Variants in ITLN1 observed in about 807,000 individuals in gnomAD.
ITLN1 encodes the protein intelectin-1.
In ITLN1, 29 loss-of-function variants were observed where a neutral mutation model predicts 36.2. The observed-to-expected ratio is 0.80, with a 90% CI of 0.60 to 1.09. The LOEUF is 1.09. Among genes scored for constraint, ITLN1 ranks in the 50% least tolerant of loss-of-function variants. The pLI is 0.00. For missense variants in ITLN1, 358 were observed against 405.2 expected, an observed-to-expected ratio of 0.88 and a Z score of 1.00; for synonymous variants, 143 against 146.5, an observed-to-expected ratio of 0.98 and a Z score of 0.17.
chr1:160,882,436 G>C (rs1670697097), intron 3 of ITLN1: 1 of 443,470 alleles, frequency 2.3e-6, no homozygotes, highest in Non-Finnish European at 3.9e-6. Flanking sequence ...TTTTCATAAA[G>C]TTAAACATGG....
chr1:160,877,943 T>A (rs1571140350), intron 7 of ITLN1, among the ~76,000 whole-genome samples: 2 of 151,866 alleles, frequency 1.3e-5, no homozygotes, highest in African/African-American at 4.8e-5. Context: ...CTGAGGCGGG[T>A]AGATCACTTG....
rs142057123 is a variant in ITLN1, at chr1:160,880,628, G to A, written c.645C>T (p.Asp215=). 68 of 1,613,928 alleles carry A rather than the reference G, an allele frequency of 4.2e-5. No homozygotes were observed. Among genetic ancestry groups the A allele is most frequent in the South Asian group, 2.1e-4 (19 of 91,084 alleles). ...AGTAATAAGATGCTGTTTTCTGGGC[G>A]TCGCCAAAATCATAGACCACAGGGA... ...PVIPVVYDFG[D]AQKTASYYSP... Residue 215 remains aspartate (D), a synonymous_variant, in exon 6 of 8, where the codon GAC becomes GAT. Coordinates refer to ENST00000326245, the MANE Select transcript of ITLN1 (RefSeq NM_017625.3).
At chr1:160,877,176 G>A (rs1670602317) in intron 7 of ITLN1, among the ~76,000 whole-genome samples, 1 of 152,102 alleles carries the variant, frequency 6.6e-6, no homozygotes, top group South Asian at 2.1e-4. Flanking sequence ...GGTGGAGGTT[G>A]CGGTGAGCTT....
intron 6 of ITLN1, among the ~76,000 whole-genome samples, chr1:160,879,644 C>T (rs1426334378): frequency 2.6e-5 from 4 of 152,218 alleles, no homozygotes; most frequent in Admixed American, 2.0e-4. Flanking sequence ...TCAGAGAGGG[C>T]TCCTCATCTG....
intron 7 of ITLN1, among the ~76,000 whole-genome samples, chr1:160,878,729 T>C (rs954749386): frequency 1.3e-5 from 2 of 151,968 alleles, no homozygotes; most frequent in African/African-American, 2.4e-5. Context: ...TTACAACTGG[T>C]ATTCTATTTA....
rs754348725 is a variant in ITLN1 at position 160,882,090 on chromosome 1, C to T, written c.272G>A (p.Arg91His). Reference sequence around the variant, plus strand: ...GCGATCGCCCACCGTGCACTTCCCACGCATGTCATTCTCGTGCACGCTGGC... The same window carrying T: ...GCGATCGCCCACCGTGCACTTCCCATGCATGTCATTCTCGTGCACGCTGGC... ...LVASVHENDM[R>H]GKCTVGDRWS... Residue 91 changes from arginine to histidine, a missense_variant, in exon 4 of 8, where the codon CGT becomes CAT. Physicochemically the swap from Arg to His is conservative, Grantham distance 29 (BLOSUM62 0). Transcript: ENST00000326245. 35 of 1,614,102 alleles carry T rather than the reference C, an allele frequency of 2.2e-5. No individual in the cohort carries two copies. The highest frequency in any genetic ancestry group is 1.9e-4 in the African/African-American group (14 of 74,932).
chr1:160,882,276 G>A (rs573658807), intron 3 of ITLN1, 72 bp from the exon 4 acceptor site: 104 of 1,513,688 alleles, frequency 6.9e-5, no homozygotes, highest in Non-Finnish European at 8.3e-5. Flanking sequence ...TGACAAGAAA[G>A]GCCCTAGGAA....
Position 160,876,663 on chromosome 1 carries a change from C to G in ITLN1, c.*1G>C. ...GGTCTGGGTTCCCTCCCACAAAACT[C>G]TCAACGATAGAATAGAAGCACAGCT... On this transcript the variant is annotated 3_prime_UTR_variant, in exon 8 of 8. Coordinates refer to ENST00000326245, the MANE Select transcript of ITLN1 (RefSeq NM_017625.3). The G allele has an allele frequency of 6.2e-7, 1 of 1,614,096 alleles. No homozygotes were observed. Among genetic ancestry groups the G allele is most frequent in the Non-Finnish European group, 8.5e-7 (1 of 1,179,980 alleles).
At chr1:160,881,123 A>G in intron 5 of ITLN1, 31 bp downstream of exon 5, 1 of 1,572,524 alleles carries the variant, frequency 6.4e-7, no homozygotes, top group Non-Finnish European at 8.6e-7. Context: ...TACACCCATG[A>G]AAACCAGTCC....
Position 160,876,774 on chromosome 1 carries a change from G to A in ITLN1, c.832C>T (p.Gln278Ter), listed in dbSNP as rs1188096942. 2 of 1,614,070 alleles carry A rather than the reference G, an allele frequency of 1.2e-6. No homozygotes were observed. The highest frequency in any genetic ancestry group is 2.2e-5 in the East Asian group (1 of 44,896). Reference protein sequence around the residue: ...GGGYFPEASPQQCGDFSGFDW... With the variant: ...GGGYFPEASP ...AAACCAGAAAAATCTCCACACTGCT[G>A]GGGACTGGCCTCTGGAAAGTATCCT... The change falls in exon 8 of 8, where the codon CAG (glutamine) becomes TAG (stop). Residue 278 changes from glutamine (Q) to a stop codon, truncating the protein, a stop_gained. Transcript: ENST00000326245. LOFTEE classifies it low-confidence loss of function (END_TRUNC).
chr1:160,876,705 GGCT>G lies in ITLN1; in HGVS notation c.898_900del (p.Ser300del). ...AGCACAGCTGCCTCAGTTATCTCAC[GGCT>G]GCTGCTGTAACCAACATGAGTTCCA... On this transcript the variant is annotated inframe_deletion, in exon 8 of 8. Coordinates refer to ENST00000326245, the MANE Select transcript of ITLN1 (RefSeq NM_017625.3). The G allele has an allele frequency of 1.9e-6, 3 of 1,614,156 alleles. No individual in the cohort carries two copies. The highest frequency in any genetic ancestry group is 2.5e-6 in the Non-Finnish European group (3 of 1,180,028).
chr1:160,879,214 C>T (rs1382019150), intron 7 of ITLN1, 97 bp downstream of exon 7: 2 of 878,842 alleles, frequency 2.3e-6, no homozygotes, highest in Non-Finnish European at 3.8e-6. Context: ...TACACACACA[C>T]CCCAGTCATA....
intron 5 of ITLN1, 86 bp downstream of exon 5, chr1:160,881,068 C>T: frequency 7.2e-7 from 1 of 1,388,368 alleles, no homozygotes; most frequent in Non-Finnish European, 9.8e-7. Context: ...GAGACAGACC[C>T]ATTAAAAAAT....
chr1:160,881,949 G>T lies in ITLN1; in HGVS notation c.405+8C>A. On this transcript the variant is annotated splice_region_variant and intron_variant, in intron 4 of 7. Transcript: ENST00000326245. ...CCCTCACCCGAGTGGGTAAGAAGTG[G>T]CACCAACCTTGTAGTCATCGCTCGT... is the stretch of plus-strand genomic sequence containing the variant. The T allele has an allele frequency of 4.3e-6, 7 of 1,614,162 alleles. No individual in the cohort carries two copies. The highest frequency in any genetic ancestry group is 5.9e-6 in the Non-Finnish European group (7 of 1,180,026).
Position 160,876,639 on chromosome 1 carries a change from G to T in ITLN1, c.*25C>A, listed in dbSNP as rs766041785. ...TGGGATCTCATGGTTGGGAGGAGAG[G>T]TCTGGGTTCCCTCCCACAAAACTCT... On this transcript the variant is annotated 3_prime_UTR_variant, in exon 8 of 8. Coordinates refer to ENST00000326245, the MANE Select transcript of ITLN1 (RefSeq NM_017625.3). 1 of 1,612,792 alleles carries T rather than the reference G, an allele frequency of 6.2e-7. No individual in the cohort carries two copies. The highest frequency in any genetic ancestry group is 1.7e-5 in the Admixed American group (1 of 59,974).
At chr1:160,880,200 T>A (rs1401121256) in intron 6 of ITLN1, among the ~76,000 whole-genome samples, 2 of 151,808 alleles carry the variant, frequency 1.3e-5, no homozygotes, top group African/African-American at 4.8e-5. Context: ...AGCTACTTGG[T>A]AGGCTGAGAC....
chr1:160,881,932 C>T lies in ITLN1; in HGVS notation c.405+25G>A, dbSNP rs202130459. On this transcript the variant is annotated intron_variant, in intron 4 of 7. Transcript: ENST00000326245. ...CCACACTCCACTCCTCACCCTCACCCGAGTGGGTAAGAAGTGGCACCAACC... is the reference window on the plus strand; with the variant it reads ...CCACACTCCACTCCTCACCCTCACCTGAGTGGGTAAGAAGTGGCACCAACC... 3.6e-4 allele frequency: 578 copies of T among 1,614,058 alleles called. 2 individuals are homozygous for T. The highest frequency in any genetic ancestry group is 2.1e-4 in the Non-Finnish European group (251 of 1,180,046).
At chr1:160,878,513 A>G (rs2101908599) in intron 7 of ITLN1, among the ~76,000 whole-genome samples, 1 of 151,780 alleles carries the variant, frequency 6.6e-6, no homozygotes, top group African/African-American at 2.4e-5. Context: ...CAGCCTCCCA[A>G]GTAGCTGAGA....
chr1:160,880,736 A>G (rs942437480), intron 5 of ITLN1, 28 bp from the exon 6 acceptor site: 4 of 1,613,296 alleles, frequency 2.5e-6, no homozygotes, highest in Non-Finnish European at 3.4e-6. Flanking sequence ...AAAGTCATGG[A>G]GTAAAGACAA....
Sources: allele counts gnomAD v4.1 joint callset (sites outside exome capture counted in the v4.1 genomes callset), GRCh38; gene constraint gnomAD v4.1.1; transcripts MANE v1.5; gene names NCBI Gene and HGNC (gene_info 2026-07-23, HGNC 2026-07-21).